The following ZNF586 variants were observed in gnomAD, a reference collection of about 807,000 sequenced individuals.
The protein encoded by ZNF586 is zinc finger protein 586.
ZNF586 carries 7 observed loss-of-function variants against 6.7 expected under a neutral mutation model. The ratio of observed to expected loss-of-function variants is 1.04; its 90% CI spans 0.59 to 1.95. ZNF586 has a LOEUF of 1.95. ZNF586 is among the 30% of genes most tolerant of loss of function. The pLI is 0.00. For missense variants in ZNF586, 442 were observed against 489.6 expected (o/e 0.90, Z 0.92); for synonymous variants, 166 against 168.7 (o/e 0.98, Z 0.12).
At chr19:57,775,610 T>TC (rs1339180524) in intron 1 of ZNF586, among the ~76,000 whole-genome samples, 2 of 150,232 alleles carry the variant, frequency 1.3e-5, no homozygotes, top group East Asian at 1.9e-4. Context: ...CTTTTTTTTT[T>TC]TTTTTTTTTT....
At chr19:57,772,528 G>C (rs1459082583) in intron 1 of ZNF586, among the ~76,000 whole-genome samples, 1 of 150,342 alleles carries the variant, frequency 6.7e-6, no homozygotes, top group Non-Finnish European at 1.5e-5. Flanking sequence ...TCCTTTGACT[G>C]ACTTGATAAA....
chr19:57,773,399 CTTCTTTT>C (rs1568482634), intron 1 of ZNF586, among the ~76,000 whole-genome samples: 3 of 119,112 alleles, frequency 2.5e-5, no homozygotes, highest in South Asian at 5.0e-4. Context: ...GTTTCTTCTT[CTTCTTTT>C]TTTTTTTTTT....
intron 2 of ZNF586, among the ~76,000 whole-genome samples, chr19:57,777,244 G>C (rs1987258478): frequency 6.6e-6 from 1 of 152,178 alleles, no homozygotes; most frequent in South Asian, 2.1e-4. Flanking sequence ...GTAATATTTA[G>C]TTTCTTTTCC....
chr19:57,770,305 C>T (rs2122549390), intron 1 of ZNF586, among the ~76,000 whole-genome samples: 1 of 151,868 alleles, frequency 6.6e-6, no homozygotes, highest in South Asian at 2.1e-4. Flanking sequence ...TACAGGCATG[C>T]GCCACCACGG....
At chr19:57,771,462 C>T (rs564995471) in intron 1 of ZNF586, among the ~76,000 whole-genome samples, 243 of 152,170 alleles carry the variant, frequency 1.6e-3, no homozygotes, top group African/African-American at 5.6e-3. Context: ...AGTGCCATTT[C>T]TCCGGTCCTT....
Position 57,779,581 on chromosome 19 carries a change from CTTA to C in ZNF586, c.999_1001del (p.Ile334del). 1 of 1,613,496 alleles carries C rather than the reference CTTA, an allele frequency of 6.2e-7. No individual in the cohort carries two copies. The highest frequency in any genetic ancestry group is 8.5e-7 in the Non-Finnish European group (1 of 1,179,884). ...GAAATCCTTTAGCCGAAAATCTAGC[CTTA>C]TTATACATCTGAGAGTTCACACTGG... On this transcript the variant is annotated inframe_deletion, in exon 3 of 3. Transcript: ENST00000396154.
Position 57,779,908 on chromosome 19 carries a change from A to C in ZNF586, c.*112A>C. ...CAAATGGGGAATATTCTTTAGCTAG[A>C]ATGCTAGCTTCTTTACATAAAAGAG... On this transcript the variant is annotated 3_prime_UTR_variant, in exon 3 of 3. Transcript: ENST00000396154. 9 of 933,274 alleles carry C rather than the reference A, an allele frequency of 9.6e-6. No homozygotes were observed. The highest frequency in any genetic ancestry group is 1.4e-5 in the Non-Finnish European group (9 of 627,436). 57.8% of individuals were successfully genotyped at this position (933,274 alleles called of 1,614,324 possible).
intron 1 of ZNF586, among the ~76,000 whole-genome samples, chr19:57,770,081 G>A (rs1178759993): frequency 2.6e-5 from 4 of 152,138 alleles, no homozygotes; most frequent in African/African-American, 4.8e-5. Flanking sequence ...GCCTGCAGGC[G>A]CGACTGAGGC....
At chr19:57,773,277 A>G (rs1180685208) in intron 1 of ZNF586, among the ~76,000 whole-genome samples, 3 of 152,074 alleles carry the variant, frequency 2.0e-5, no homozygotes, top group Non-Finnish European at 4.4e-5. Context: ...TGTTGATGAC[A>G]CTGTTGGACA....
intron 1 of ZNF586, among the ~76,000 whole-genome samples, chr19:57,772,111 C>T (rs965111074): frequency 2.2e-4 from 34 of 152,252 alleles, no homozygotes; most frequent in African/African-American, 7.0e-4. Flanking sequence ...CTTGAGCCAC[C>T]GTGCCCAGCC....
Position 57,779,862 on chromosome 19 carries a change from A to C in ZNF586, c.*66A>C, listed in dbSNP as rs146406244. ...TTCAAGGCCAGAGAGTTCACACCAG[A>C]TCAAGGTGTTATGAGTGTGACAAAT... is the stretch of plus-strand genomic sequence containing the variant. On this transcript the variant is annotated 3_prime_UTR_variant, in exon 3 of 3. Transcript: ENST00000396154. The C allele has an allele frequency of 3.8e-6, 5 of 1,312,916 alleles. No individual in the cohort carries two copies. The African/African-American group carries it at 4.4e-5, about 12-fold the overall frequency. 81.3% of individuals were successfully genotyped at this position (1,312,916 alleles called of 1,614,324 possible).
At chr19:57,777,992 G>A (rs146955965) in intron 2 of ZNF586, among the ~76,000 whole-genome samples, 18 of 151,558 alleles carry the variant, frequency 1.2e-4, no homozygotes, top group African/African-American at 3.9e-4. Context: ...CTGACCTCAG[G>A]TGATCCACGC....
intron 1 of ZNF586, among the ~76,000 whole-genome samples, chr19:57,773,666 C>T (rs1987153393): frequency 6.6e-6 from 1 of 152,190 alleles, no homozygotes; most frequent in Non-Finnish European, 1.5e-5. Flanking sequence ...TGACATAATG[C>T]TTCCAAGAAA....
chr19:57,779,066 A>G lies in ZNF586; in HGVS notation c.479A>G (p.His160Arg). 6.2e-7 allele frequency: 1 copy of G among 1,614,054 alleles called. No homozygotes were observed. Among genetic ancestry groups the G allele is most frequent in the Non-Finnish European group, 8.5e-7 (1 of 1,180,002 alleles). Residue 160 changes from histidine (H) to arginine (R), a missense_variant, in exon 3 of 3, where the codon CAC becomes CGC. Transcript: ENST00000396154. ...YECSECGKSF[H>R]QSSSLLQRQT... The stretch of plus-strand genomic sequence containing the variant: ...TGCAGTGAGTGTGGAAAATCATTTC[A>G]CCAAAGCTCTTCACTCTTGCAGCGT...
At chr19:57,770,442 T>A (rs1987067922) in intron 1 of ZNF586, among the ~76,000 whole-genome samples, 1 of 152,124 alleles carries the variant, frequency 6.6e-6, no homozygotes, top group Non-Finnish European at 1.5e-5. Context: ...AGTTGTTTCT[T>A]CAGTACCAGG....
chr19:57,778,947 G>C lies in ZNF586; in HGVS notation c.360G>C (p.Arg120Ser). The C allele has an allele frequency of 3.7e-6, 6 of 1,614,110 alleles. No homozygotes were observed. The highest frequency in any genetic ancestry group is 5.1e-6 in the Non-Finnish European group (6 of 1,180,046). ...HKHRNVRTGE[R>S]PYECSKYGKL... ...ACAGGAATGTTCGCACTGGAGAAAG[G>C]CCTTATGAGTGCAGCAAATATGGGA... Residue 120 changes from arginine to serine, a missense_variant, in exon 3 of 3, where the codon AGG becomes AGC. Transcript: ENST00000396154.
rs1987347744 is a variant in ZNF586, at chr19:57,779,995, T to C, written c.*199T>C. ...ATGTGAGAAAGCCTTCAGCCCTCTC[T>C]CATTGGTTACCACAATATTTACATG... On this transcript the variant is annotated 3_prime_UTR_variant, in exon 3 of 3. Transcript: ENST00000396154. 9.0e-6 allele frequency: 5 copies of C among 558,552 alleles called. No individual in the cohort carries two copies. Among genetic ancestry groups the C allele is most frequent in the Non-Finnish European group, 1.6e-5 (5 of 319,970 alleles). 34.6% of individuals were successfully genotyped at this position (558,552 alleles called of 1,614,324 possible).
chr19:57,780,034 A>G lies in ZNF586; in HGVS notation c.*238A>G, dbSNP rs1009871669. The G allele has an allele frequency of 1.9e-6, 1 of 514,818 alleles. No homozygotes were observed. Among genetic ancestry groups the G allele is most frequent in the Non-Finnish European group, 3.4e-6 (1 of 295,006 alleles). The allele number at this position is 514,818 out of a possible 1,614,324, so 31.9% of individuals were successfully genotyped here. ...AATATTTACATGAGGAAAATACCAC[A>G]GATGTGGAGGTAATATTATTTTTTC... On this transcript the variant is annotated 3_prime_UTR_variant, in exon 3 of 3. Coordinates refer to ENST00000396154, the MANE Select transcript of ZNF586 (RefSeq NM_017652.4).
intron 1 of ZNF586, among the ~76,000 whole-genome samples, chr19:57,770,720 A>C (rs1987075141): frequency 6.6e-6 from 1 of 152,198 alleles, no homozygotes; most frequent in African/African-American, 2.4e-5. Flanking sequence ...CCGAGCACAG[A>C]CACATTTGTG....
Sources: gnomAD v4.1 joint callset for allele counts (sites outside exome capture counted in the v4.1 genomes callset) on GRCh38, gnomAD v4.1.1 for gene constraint, MANE v1.5 for transcripts, NCBI Gene and HGNC (gene_info 2026-07-23, HGNC 2026-07-21) for gene names.